DMD: variants seen among roughly 807,000 people sequenced by gnomAD.
DMD encodes mutant dystrophin.
Under a neutral mutation model 330.1 loss-of-function variants are expected in DMD, and 63 were observed. The ratio of observed to expected loss-of-function variants is 0.19; its 90% CI spans 0.16 to 0.24. The LOEUF (loss-of-function observed/expected upper bound fraction) is 0.24. Among genes scored for constraint, DMD ranks in the 10% least tolerant of loss-of-function variants. The probability of loss-of-function intolerance (pLI) is 1.00; values close to 1 mark genes in which losing one functional copy is unlikely to be tolerated. For synonymous variants in DMD, 1,223 were observed against 959.8 expected (o/e 1.27, Z -5.07); for missense variants, 3,344 against 2,684.1 (o/e 1.25, Z -5.43).
At chrX:32,318,316 G>A (rs2097592151) in intron 41 of DMD, among the ~76,000 whole-genome samples, 1 of 110,891 alleles carries the variant, frequency 9.0e-6, no homozygotes, top group Non-Finnish European at 1.9e-5. Flanking sequence ...ATTGGTCCAG[G>A]GTGATTAAAA....
In DMD at chrX:32,046,920, T is replaced by TA. The variant is rs200211169; in HGVS notation, c.6439-78407dup. Among the ~76,000 whole-genome samples, 922 of 111,446 alleles carry TA rather than the reference T, an allele frequency of 8.3e-3. 4 individuals are homozygous for TA. The highest frequency in any genetic ancestry group is 0.037 in the East Asian group (131 of 3,529). ...GTAATTCCCTAGTGCCCATCTACTA[T>TA]AATTTTTATGATGTCTCTACTCTTT... is the stretch of plus-strand genomic sequence containing the variant. On this transcript the variant is annotated intron_variant, in intron 44 of 78. Transcript: ENST00000357033.
At chrX:31,178,633 C>A (rs191559268) in intron 70 of DMD, 36 bp downstream of exon 70, 2 of 1,187,615 alleles carry the variant, frequency 1.7e-6, no homozygotes, top group Middle Eastern at 2.3e-4. Flanking sequence ...AAATATACAT[C>A]AAACAAGAGT....
At chrX:32,148,918 A>C (rs2096791349) in intron 44 of DMD, among the ~76,000 whole-genome samples, 1 of 111,839 alleles carries the variant, frequency 8.9e-6, no homozygotes, top group Non-Finnish European at 1.9e-5. Flanking sequence ...ATGGTTTCCG[A>C]GCATTACAAG....
chrX:32,698,329 A>T, intron 8 of DMD, among the ~76,000 whole-genome samples: 1 of 111,292 alleles, frequency 9.0e-6, no homozygotes, highest in Non-Finnish European at 1.9e-5. Context: ...ATTTTCTCTA[A>T]ATCCAAAGTA....
At chrX:32,064,678 T>C (rs1324064491) in intron 44 of DMD, among the ~76,000 whole-genome samples, 1 of 111,145 alleles carries the variant, frequency 9.0e-6, no homozygotes, top group Non-Finnish European at 1.9e-5. Flanking sequence ...TCTGTCTGTA[T>C]GCATGCATGC....
At chrX:31,642,807 C>T (rs2079848783) in intron 54 of DMD, among the ~76,000 whole-genome samples, 1 of 111,799 alleles carries the variant, frequency 8.9e-6, no homozygotes, top group Non-Finnish European at 1.9e-5. Context: ...ACTGCAATAC[C>T]TTTTACTTGG....
At chrX:33,143,895 G>T (rs1446554901) in intron 1 of DMD, among the ~76,000 whole-genome samples, 14 of 111,377 alleles carry the variant, frequency 1.3e-4, no homozygotes, top group African/African-American at 4.6e-4. Flanking sequence ...AACCAAGCAA[G>T]AAAATGCAAT....
At chrX:33,160,712 TGTGA>T (rs1417096631) in intron 1 of DMD, among the ~76,000 whole-genome samples, 3 of 111,911 alleles carry the variant, frequency 2.7e-5, no homozygotes, top group African/African-American at 9.7e-5. Flanking sequence ...CAAGAGGAAA[TGTGA>T]GTTTCTCTCA....
intron 50 of DMD, among the ~76,000 whole-genome samples, chrX:31,786,386 T>G (rs752241984): frequency 8.9e-6 from 1 of 112,041 alleles, no homozygotes; most frequent in East Asian, 2.8e-4. Flanking sequence ...TTTTTAAAAT[T>G]CCCTTCTGAG....
intron 57 of DMD, among the ~76,000 whole-genome samples, chrX:31,483,608 A>T (rs2068554464): frequency 8.9e-6 from 1 of 112,195 alleles, no homozygotes; most frequent in Non-Finnish European, 1.9e-5. Context: ...AGACAAAGAA[A>T]GTTCTGTTAT....
At chrX:32,081,311 TATC>T (rs1006957007) in intron 44 of DMD, among the ~76,000 whole-genome samples, 2 of 112,060 alleles carry the variant, frequency 1.8e-5, no homozygotes, top group African/African-American at 6.5e-5. Context: ...TTAATTTTGG[TATC>T]ATACTGTGGG....
chrX:32,623,503 C>A (rs1253691430), intron 11 of DMD, among the ~76,000 whole-genome samples: 1 of 108,741 alleles, frequency 9.2e-6, no homozygotes, highest in Non-Finnish European at 1.9e-5. Flanking sequence ...ATAACCTTGC[C>A]AAGGTAAAGA....
chrX:32,845,510 ATTTCT>A (rs1001848816), intron 3 of DMD, among the ~76,000 whole-genome samples: 6 of 111,644 alleles, frequency 5.4e-5, no homozygotes, highest in Non-Finnish European at 1.1e-4. Flanking sequence ...TCTCATTTTC[ATTTCT>A]TTTACCTTAC....
chrX:32,506,515 G>T (rs183693143), intron 18 of DMD, among the ~76,000 whole-genome samples: 1 of 107,112 alleles, frequency 9.3e-6, no homozygotes, highest in Admixed American at 1.0e-4. Flanking sequence ...AATAAATTAA[G>T]AGTAAAATTT....
At chrX:32,850,970 A>T (rs1315611147) in intron 2 of DMD, among the ~76,000 whole-genome samples, 1 of 111,907 alleles carries the variant, frequency 8.9e-6, no homozygotes, top group Non-Finnish European at 1.9e-5. Flanking sequence ...AAGCATTAGA[A>T]AGGACTAAAG....
At chrX:32,546,365 G>A (rs929420629) in intron 16 of DMD, among the ~76,000 whole-genome samples, 1 of 109,090 alleles carries the variant, frequency 9.2e-6, no homozygotes, top group African/African-American at 3.3e-5. Context: ...ACAAGCAAAG[G>A]AGCAGGGATC....
At chrX:31,715,227 G>A (rs1348201695) in intron 52 of DMD, among the ~76,000 whole-genome samples, 1 of 104,505 alleles carries the variant, frequency 9.6e-6, no homozygotes, top group Non-Finnish European at 1.9e-5. Context: ...TGGTGGGGGG[G>A]GAGCTGCGAA....
chrX:32,621,705 T>G (rs1288837138), intron 11 of DMD, among the ~76,000 whole-genome samples: 2 of 110,375 alleles, frequency 1.8e-5, no homozygotes, highest in Non-Finnish European at 3.8e-5. Context: ...GCTGGGTGTG[T>G]GCAAACGGGA....
chrX:32,139,582 T>C (rs1451729541), intron 44 of DMD, among the ~76,000 whole-genome samples: 4 of 112,330 alleles, frequency 3.6e-5, no homozygotes, highest in Non-Finnish European at 7.5e-5. Flanking sequence ...TAACAGATAA[T>C]GACTCACAGT....
Sources: gnomAD v4.1 joint callset for allele counts (sites outside exome capture counted in the v4.1 genomes callset) on GRCh38, gnomAD v4.1.1 for gene constraint, MANE v1.5 for transcripts, NCBI Gene and HGNC (gene_info 2026-07-23, HGNC 2026-07-21) for gene names.